Variants in PALM3 observed in about 807,000 individuals in gnomAD.
The protein encoded by PALM3 is paralemmin 3, also known as paralemmin-3.
In PALM3, 20 loss-of-function variants were observed where a neutral mutation model predicts 27.9. The ratio of observed to expected loss-of-function variants is 0.72; its 90% confidence interval spans 0.50 to 1.04. The LOEUF (loss-of-function observed/expected upper bound fraction) is 1.04, where lower values mean the gene tolerates loss of function less well. PALM3 is among the 50% of genes least tolerant of loss of function. The pLI, the probability that PALM3 is intolerant of heterozygous loss-of-function variation, is 0.00. For missense variants in PALM3, 814 were observed against 869.4 expected (o/e 0.94, Z 0.80); for synonymous variants, 328 against 352.7 (o/e 0.93, Z 0.79).
chr19:14,055,224 G>C lies in PALM3; in HGVS notation c.448C>G (p.Gln150Glu). 1 of 1,525,506 alleles carries C rather than the reference G, an allele frequency of 6.6e-7. No individual in the cohort carries two copies. The highest frequency in any genetic ancestry group is 8.8e-7 in the Non-Finnish European group (1 of 1,133,464). 94.5% of individuals were successfully genotyped at this position (1,525,506 alleles called of 1,614,324 possible). ...QSIVEAGSVG[Q>E]TDLNKRASLP... ...GAGGCTCTCTTGTTCAGATCAGTCT[G>C]GCCTGGGGGAGTCAGAGGTGGAGGG... is the stretch of plus-strand genomic sequence containing the variant. Residue 150 changes from glutamine (Q) to glutamate (E), a missense_variant and splice_region_variant, in exon 7 of 7, where the codon CAG becomes GAG. Transcript: ENST00000669674.
chr19:14,054,345 C>T lies in PALM3; in HGVS notation c.1327G>A (p.Gly443Arg). 1.9e-6 allele frequency: 3 copies of T among 1,552,198 alleles called. No homozygotes were observed. Among genetic ancestry groups the T allele is most frequent in the South Asian group, 1.2e-5 (1 of 84,058 alleles). The change falls in exon 7 of 7, where the codon GGA becomes AGA. Residue 443 changes from glycine (G) to arginine (R), a missense_variant. Coordinates refer to ENST00000669674, the MANE Select transcript of PALM3 (RefSeq NM_001145028.2). ...EMSPVVERKG[G>R]EKKLELESRG... ...CTCTCCAGCTCCAACTTCTTCTCTC[C>T]TCCTTTCCTCTCTACCACTGGTGAC...
intron 1 of PALM3, among the ~76,000 whole-genome samples, chr19:14,061,003 T>A (rs956399558): frequency 1.3e-5 from 2 of 152,126 alleles, no homozygotes; most frequent in African/African-American, 4.8e-5. Flanking sequence ...TCAGGTGATC[T>A]GCCCGCCTCG....
chr19:14,058,101 C>G (rs1976347508), intron 2 of PALM3, among the ~76,000 whole-genome samples: 1 of 151,948 alleles, frequency 6.6e-6, no homozygotes, highest in South Asian at 2.1e-4. Flanking sequence ...GAGCGAGACT[C>G]CGTCTCAAAA....
intron 1 of PALM3, 38 bp from the exon 2 acceptor site, chr19:14,059,201 C>T: frequency 2.1e-6 from 3 of 1,436,836 alleles, no homozygotes; most frequent in Non-Finnish European, 2.7e-6. Context: ...GGGCTCCCAT[C>T]TTGAACGCCC....
rs1455499186 is a variant in PALM3, at chr19:14,054,297, C to T, written c.1375G>A (p.Gly459Arg). The T allele has an allele frequency of 1.3e-6, 2 of 1,552,248 alleles. No individual in the cohort carries two copies. The highest frequency in any genetic ancestry group is 2.0e-5 in the Admixed American group (1 of 50,972). Residue 459 changes from glycine (G) to arginine (R), a missense_variant, in exon 7 of 7, where the codon GGA (glycine) becomes AGA (arginine). Transcript: ENST00000669674. Reference protein sequence around the residue: ...LESRGSAEKLGTEREGGEEPL... With the variant: ...LESRGSAEKLRTEREGGEEPL... ...TCCTCACCTCCTTCCCTCTCTGTTC[C>T]CAGCTTTTCTGCACTTCCTCTGCTC...
In PALM3 at chr19:14,056,812, G is replaced by T; in HGVS notation, c.172-8C>A. On this transcript the variant is annotated splice_region_variant and splice_polypyrimidine_tract_variant and intron_variant, in intron 3 of 6. Transcript: ENST00000669674. ...TTCCCGGAGAGACTTCCTCTGGGCA[G>T]GGGAAGGGAGTTGGGGCTGGGCATA... is the stretch of plus-strand genomic sequence containing the variant. 1 of 1,541,350 alleles carries T rather than the reference G, an allele frequency of 6.5e-7. No homozygotes were observed. Among genetic ancestry groups the T allele is most frequent in the Non-Finnish European group, 8.8e-7 (1 of 1,141,996 alleles).
At chr19:14,061,002 C>G (rs1237135076) in intron 1 of PALM3, among the ~76,000 whole-genome samples, 1 of 152,204 alleles carries the variant, frequency 6.6e-6, no homozygotes, top group African/African-American at 2.4e-5. Flanking sequence ...CTCAGGTGAT[C>G]TGCCCGCCTC....
chr19:14,056,668 A>C lies in PALM3; in HGVS notation c.308T>G (p.Leu103Trp). The C allele has an allele frequency of 6.4e-7, 1 of 1,551,710 alleles. No individual in the cohort carries two copies. Residue 103 changes from leucine to tryptophan, a missense_variant, in exon 4 of 7, where the codon TTG (leucine) becomes TGG (tryptophan). By Grantham distance (61) the Leu-to-Trp change is moderately conservative. Transcript: ENST00000669674. ...CTAGAAGGTCTCCACTCACGTGAAC[A>C]AACTGTCTTCCAGGTTCCGGATTCG... ...QARIRNLEDS[L>W]FTLQSQLQLL... is the part of the protein sequence containing the mutation.
chr19:14,054,381 C>T lies in PALM3; in HGVS notation c.1291G>A (p.Glu431Lys). ...TCTACCACTGGTGACATCTCCGCTTCATCCCTCCCTGTCCCTGGCTTTTCC... is the reference window on the plus strand; with the variant it reads ...TCTACCACTGGTGACATCTCCGCTTTATCCCTCCCTGTCCCTGGCTTTTCC... ...SEEKPGTGRD[E>K]AEMSPVVERK... The change falls in exon 7 of 7, where the codon GAA becomes AAA. Residue 431 changes from glutamate to lysine, a missense_variant. Glu to Lys is a moderately conservative substitution (Grantham distance 56, BLOSUM62 1). Transcript: ENST00000669674. 6.4e-7 allele frequency: 1 copy of T among 1,552,192 alleles called. No individual in the cohort carries two copies. Among genetic ancestry groups the T allele is most frequent in the Non-Finnish European group, 8.7e-7 (1 of 1,147,106 alleles).
chr19:14,059,404 C>G (rs182500788), intron 1 of PALM3, among the ~76,000 whole-genome samples: 32 of 152,156 alleles, frequency 2.1e-4, no homozygotes, highest in Non-Finnish European at 4.0e-4. Flanking sequence ...CCTCAGTTTC[C>G]TCATCTGTAA....
At chr19:14,060,919 C>A (rs1976403763) in intron 1 of PALM3, among the ~76,000 whole-genome samples, 1 of 152,160 alleles carries the variant, frequency 6.6e-6, no homozygotes, top group African/African-American at 2.4e-5. Flanking sequence ...CACCACCAAG[C>A]CCGGCTAATT....
In PALM3 at chr19:14,054,333, A is replaced by C. The variant is rs1976252320; in HGVS notation, c.1339T>G (p.Leu447Val). Residue 447 changes from leucine (L) to valine (V), a missense_variant, in exon 7 of 7, where the codon TTG becomes GTG. Coordinates refer to ENST00000669674, the MANE Select transcript of PALM3 (RefSeq NM_001145028.2). ...GCACTTCCTCTGCTCTCCAGCTCCA[A>C]CTTCTTCTCTCCTCCTTTCCTCTCT... ...VVERKGGEKK[L>V]ELESRGSAEK... 1 of 1,549,804 alleles carries C rather than the reference A, an allele frequency of 6.5e-7. No homozygotes were observed. Among genetic ancestry groups the C allele is most frequent in the African/African-American group, 1.4e-5 (1 of 72,138 alleles).
chr19:14,061,404 C>T (rs933650071), intron 1 of PALM3, among the ~76,000 whole-genome samples: 6 of 152,188 alleles, frequency 3.9e-5, no homozygotes, highest in South Asian at 4.1e-4. Context: ...ACTTCACACA[C>T]CCCATTCCAT....
rs898230654 is a variant in PALM3, at chr19:14,054,836, G to A, written c.836C>T (p.Pro279Leu). 9.1e-6 allele frequency: 14 copies of A among 1,542,416 alleles called. No individual in the cohort carries two copies. Among genetic ancestry groups the A allele is most frequent in the Admixed American group, 6.0e-5 (3 of 49,958 alleles). ...DRKGAGSLEL[P>L]AWVKEDRGIV... is the part of the protein sequence containing the mutation. ...GCCCCTGTCCTCCTTCACCCAGGCC[G>A]GGAGCTCCAGGCTACCAGCTCCCTT... Residue 279 changes from proline to leucine, a missense_variant, in exon 7 of 7, where the codon CCG (proline) becomes CTG (leucine). Physicochemically the swap from Pro to Leu is moderately conservative, Grantham distance 98 (BLOSUM62 -3). Transcript: ENST00000669674.
At position 14,056,823 on chromosome 19, in the gene PALM3, T is replaced by C; in HGVS notation, c.172-19A>G. 3 of 1,534,100 alleles carry C rather than the reference T, an allele frequency of 2.0e-6. No homozygotes were observed. The highest frequency in any genetic ancestry group is 1.8e-6 in the Non-Finnish European group (2 of 1,138,900). Reference sequence around the variant, plus strand: ...ACTTCCTCTGGGCAGGGGAAGGGAGTTGGGGCTGGGCATACAGACTACCCC... The same window carrying C: ...ACTTCCTCTGGGCAGGGGAAGGGAGCTGGGGCTGGGCATACAGACTACCCC... On this transcript the variant is annotated intron_variant, in intron 3 of 6. Coordinates refer to ENST00000669674, the MANE Select transcript of PALM3 (RefSeq NM_001145028.2).
Position 14,053,632 on chromosome 19 carries a change from C to T in PALM3, c.2040G>A (p.Lys680=), listed in dbSNP as rs1408754833. 2.1e-6 allele frequency: 3 copies of T among 1,460,996 alleles called. No individual in the cohort carries two copies. The highest frequency in any genetic ancestry group is 2.7e-6 in the Non-Finnish European group (3 of 1,105,646). 90.5% of individuals were successfully genotyped at this position (1,460,996 alleles called of 1,614,324 possible). A position where few individuals can be genotyped will look rare whatever the true frequency, so the allele number is the denominator to read the frequency against. ...ACATGACCGCACAACACTGGCACGT[C>T]TTTTGCTTAGGGCCACTTGCCTCTT... ...EGEEASGPKQ[K]TCQCCAVM is the part of the protein sequence containing the mutation. Residue 680 remains lysine, a synonymous_variant, in exon 7 of 7, where the codon AAG becomes AAA. Transcript: ENST00000669674.
intron 1 of PALM3, among the ~76,000 whole-genome samples, chr19:14,060,675 G>A (rs117176194): frequency 6.6e-6 from 1 of 152,106 alleles, no homozygotes; most frequent in Admixed American, 6.6e-5. Flanking sequence ...GAGGGGGGTG[G>A]GGGTGCAGGT....
At position 14,053,955 on chromosome 19, in the gene PALM3, C is replaced by T. The variant is rs982562985; in HGVS notation, c.1717G>A (p.Ala573Thr). The stretch of plus-strand genomic sequence containing the variant: ...GTGTTAGCCTCAAGGGGAGGCCCTG[C>T]CTCATTCATCTCCTCTGCCTGGGAT... ...SESQAEEMNE[A>T]GPPLEANTET... The change falls in exon 7 of 7, where the codon GCA becomes ACA. Residue 573 changes from alanine (A) to threonine (T), a missense_variant. Ala to Thr is a moderately conservative substitution (Grantham distance 58). Transcript: ENST00000669674. 7 of 1,551,558 alleles carry T rather than the reference C, an allele frequency of 4.5e-6. No homozygotes were observed. In the African/African-American group the frequency reaches 9.6e-5, roughly 21 times the overall value.
intron 2 of PALM3, 140 bp downstream of exon 2, chr19:14,058,975 G>T: frequency 1.5e-6 from 1 of 679,442 alleles, no homozygotes; most frequent in Non-Finnish European, 2.3e-6. Context: ...CTGGGGGGCA[G>T]AGGGGGCTGG....
Sources: gnomAD v4.1 joint callset for allele counts (sites outside exome capture counted in the v4.1 genomes callset) on GRCh38, gnomAD v4.1.1 for gene constraint, MANE v1.5 for transcripts, NCBI Gene and HGNC (gene_info 2026-07-23, HGNC 2026-07-21) for gene names.